ASCC3: variants seen among roughly 807,000 people sequenced by gnomAD.
The protein encoded by ASCC3 is ASC-1 complex subunit P200.
In ASCC3, 158 loss-of-function variants were observed where a neutral mutation model predicts 256.3. The ratio of observed to expected loss-of-function variants is 0.62; its 90% confidence interval spans 0.54 to 0.70. ASCC3 has a LOEUF of 0.70. ASCC3 is among the 30% of genes least tolerant of loss of function. The pLI is 0.00. For missense variants in ASCC3, 2,259 were observed against 2,626.0 expected (o/e 0.86, Z 3.05); for synonymous variants, 948 against 883.4 (o/e 1.07, Z -1.30).
chr6:100,511,418 C>T (rs1388300565), intron 40 of ASCC3, among the ~76,000 whole-genome samples: 1 of 151,856 alleles, frequency 6.6e-6, no homozygotes. Context: ...AATTCCATCT[C>T]AAACAAACAA....
intron 10 of ASCC3, among the ~76,000 whole-genome samples, chr6:100,728,138 TGCTATAG>T (rs1405626091): frequency 6.6e-6 from 1 of 152,080 alleles, no homozygotes; most frequent in African/African-American, 2.4e-5. Context: ...TATATAATTA[TGCTATAG>T]TGCTTAATAT....
intron 14 of ASCC3, among the ~76,000 whole-genome samples, chr6:100,672,903 T>C (rs565872587): frequency 1.3e-5 from 2 of 152,216 alleles, no homozygotes; most frequent in East Asian, 3.8e-4. Context: ...TTAAAATGAC[T>C]GGTAACCAGC....
At chr6:100,539,850 C>T (rs1267224234) in intron 37 of ASCC3, among the ~76,000 whole-genome samples, 2 of 151,812 alleles carry the variant, frequency 1.3e-5, no homozygotes, top group Non-Finnish European at 2.9e-5. Context: ...CAGTCTTCCC[C>T]GTCTTGAGTG....
At chr6:100,624,978 A>G (rs1296144749) in intron 30 of ASCC3, among the ~76,000 whole-genome samples, 1 of 152,016 alleles carries the variant, frequency 6.6e-6, no homozygotes, top group Non-Finnish European at 1.5e-5. Flanking sequence ...CACAGGTGAT[A>G]ACGTTAAAGG....
At chr6:100,783,488 C>T (rs1322415470) in intron 8 of ASCC3, among the ~76,000 whole-genome samples, 7 of 152,166 alleles carry the variant, frequency 4.6e-5, no homozygotes, top group East Asian at 1.9e-4. Flanking sequence ...ATGTACTAAA[C>T]GCTGCCTACC....
chr6:100,772,093 G>A (rs891697488), intron 8 of ASCC3, among the ~76,000 whole-genome samples: 4 of 151,980 alleles, frequency 2.6e-5, no homozygotes, highest in Non-Finnish European at 5.9e-5. Context: ...ATGTTAGCCA[G>A]GATGGTCTAG....
chr6:100,845,637 G>C (rs1189166108), intron 4 of ASCC3, among the ~76,000 whole-genome samples: 7 of 152,034 alleles, frequency 4.6e-5, no homozygotes, highest in Non-Finnish European at 1.0e-4. Flanking sequence ...ATTAATGTCA[G>C]TTATTATTAT....
intron 32 of ASCC3, among the ~76,000 whole-genome samples, chr6:100,605,987 A>C (rs944115684): frequency 6.6e-6 from 1 of 152,036 alleles, no homozygotes; most frequent in African/African-American, 2.4e-5. Context: ...CCTTTAGTGG[A>C]ATGCTTTAAA....
At chr6:100,863,434 G>A (rs565920760) in intron 3 of ASCC3, among the ~76,000 whole-genome samples, 1 of 152,262 alleles carries the variant, frequency 6.6e-6, no homozygotes, top group African/African-American at 2.4e-5. Context: ...TAGCTTTTAA[G>A]CTTCCTTAGA....
chr6:100,632,011 A>T (rs1206377720), intron 25 of ASCC3, among the ~76,000 whole-genome samples: 1 of 151,904 alleles, frequency 6.6e-6, no homozygotes, highest in East Asian at 1.9e-4. Flanking sequence ...CAATCACAAC[A>T]TCTCTGTAAA....
At position 100,867,977 on chromosome 6, in the gene ASCC3, T is replaced by G; in HGVS notation, c.21A>C (p.Thr7=). The G allele has an allele frequency of 6.2e-7, 1 of 1,613,668 alleles. No homozygotes were observed. The highest frequency in any genetic ancestry group is 8.5e-7 in the Non-Finnish European group (1 of 1,179,676). The change falls in exon 2 of 42, where the codon ACA becomes ACC. Residue 7 remains threonine, a synonymous_variant. Transcript: ENST00000369162. ...CATTTGAAAAGGAACGCAAGGCTCC[T>G]GTGAGACGAGGTAAAGCCATCTATT... MALPRL[T]GALRSFSNVT...
intron 30 of ASCC3, among the ~76,000 whole-genome samples, chr6:100,616,643 A>AT (rs1323384087): frequency 2.0e-5 from 3 of 152,126 alleles, no homozygotes; most frequent in Non-Finnish European, 2.9e-5. Flanking sequence ...CCTGCTTCAG[A>AT]TTTTTTCCCC....
At chr6:100,745,884 G>C (rs927709170) in intron 10 of ASCC3, among the ~76,000 whole-genome samples, 1 of 151,926 alleles carries the variant, frequency 6.6e-6, no homozygotes, top group Non-Finnish European at 1.5e-5. Context: ...TAACCTTTTA[G>C]TCTTTTCCCA....
At chr6:100,538,550 A>G (rs1775281660) in intron 37 of ASCC3, among the ~76,000 whole-genome samples, 1 of 152,120 alleles carries the variant, frequency 6.6e-6, no homozygotes, top group Non-Finnish European at 1.5e-5. Flanking sequence ...CAGCATAAAG[A>G]AAAAAATTAA....
intron 36 of ASCC3, among the ~76,000 whole-genome samples, chr6:100,581,389 AAGTGT>A (rs1771249326): frequency 1.3e-5 from 2 of 152,044 alleles, no homozygotes; most frequent in Non-Finnish European, 2.9e-5. Flanking sequence ...TTCTTTTGAG[AAGTGT>A]CTGTTCATGT....
chr6:100,550,891 G>T (rs1164051965), intron 36 of ASCC3, among the ~76,000 whole-genome samples: 1 of 151,916 alleles, frequency 6.6e-6, no homozygotes, highest in Non-Finnish European at 1.5e-5. Flanking sequence ...GGGTTGGAAA[G>T]AATGCTCTGC....
At chr6:100,536,758 G>A (rs1775185779) in intron 37 of ASCC3, among the ~76,000 whole-genome samples, 1 of 152,146 alleles carries the variant, frequency 6.6e-6, no homozygotes, top group Admixed American at 6.5e-5. Flanking sequence ...GAACTGCCAT[G>A]CCCAGTCCAG....
chr6:100,859,046 TC>T, intron 3 of ASCC3: 1 of 750,008 alleles, frequency 1.3e-6, no homozygotes. Flanking sequence ...CAGATTAAAT[TC>T]CTTTAATAGT....
rs1385200926 is a variant in ASCC3, at chr6:100,540,204, C to A, written c.5734G>T (p.Asp1912Tyr). 6.2e-7 allele frequency: 1 copy of A among 1,614,046 alleles called. No individual in the cohort carries two copies. Among genetic ancestry groups the A allele is most frequent in the South Asian group, 1.1e-5 (1 of 91,076 alleles). The change falls in exon 37 of 42, where the codon GAT becomes TAT. Residue 1912 changes from aspartate (D) to tyrosine (Y), a missense_variant. By Grantham distance (160) the Asp-to-Tyr change is radical. This residue lies in a region of ASCC3 where 1,839 missense variants were observed against 2,206.7 expected (regional missense o/e 0.83). Transcript: ENST00000369162. ...AMLPCPDYDT[D>Y]TKTVLDQALR... is the part of the protein sequence containing the mutation. ...GCTTGGTCCAAGACTGTTTTGGTAT[C>A]AGTGTCATAATCTGGGCAGGGTAGC...
Sources: allele counts gnomAD v4.1 joint callset (sites outside exome capture counted in the v4.1 genomes callset), GRCh38; gene constraint gnomAD v4.1.1; regional missense constraint gnomAD v4.1.1; transcripts MANE v1.5; gene names NCBI Gene and HGNC (gene_info 2026-07-23, HGNC 2026-07-21).